Variants in DTNB observed in about 807,000 individuals in gnomAD.
DTNB encodes the protein DTN-B.
In DTNB, 63 loss-of-function variants were observed where a neutral mutation model predicts 90.7. The ratio of observed to expected loss-of-function variants is 0.69; its 90% CI spans 0.57 to 0.86. DTNB has a LOEUF of 0.86. Among genes scored for constraint, DTNB ranks in the 40% least tolerant of loss-of-function variants. The pLI, the probability that DTNB is intolerant of heterozygous loss-of-function variation, is 0.00. For synonymous variants in DTNB, 277 were observed against 286.7 expected, an observed-to-expected ratio of 0.97 and a Z score of 0.34; for missense variants, 744 against 807.1, an observed-to-expected ratio of 0.92 and a Z score of 0.95.
chr2:25,565,977 T>A (rs2058965496), intron 8 of DTNB, among the ~76,000 whole-genome samples: 2 of 152,002 alleles, frequency 1.3e-5, no homozygotes, highest in African/African-American at 4.8e-5. Context: ...CCCCTTTGAG[T>A]GTGGGTGGAA....
At chr2:25,652,468 C>G in intron 2 of DTNB, 126 bp downstream of exon 2, 1 of 922,178 alleles carries the variant, frequency 1.1e-6, no homozygotes, top group Non-Finnish European at 1.5e-6. Flanking sequence ...TCTTTAACTC[C>G]CATTCTTCCC....
At chr2:25,642,385 G>A (rs528701900) in intron 2 of DTNB, among the ~76,000 whole-genome samples, 44 of 151,568 alleles carry the variant, frequency 2.9e-4, no homozygotes, top group African/African-American at 1.0e-3. Flanking sequence ...TCAACTTCCT[G>A]AAACAAAATC....
At chr2:25,559,142 G>C (rs771348391) in intron 8 of DTNB, among the ~76,000 whole-genome samples, 1 of 152,094 alleles carries the variant, frequency 6.6e-6, no homozygotes, top group Non-Finnish European at 1.5e-5. Context: ...AGAAATCCAA[G>C]ACTCTCACCT....
chr2:25,573,081 G>C (rs2060126438), intron 8 of DTNB, among the ~76,000 whole-genome samples: 1 of 152,050 alleles, frequency 6.6e-6, no homozygotes, highest in African/African-American at 2.4e-5. Context: ...AAGTAGCTGG[G>C]ATTACAGGCA....
chr2:25,577,332 G>C (rs1242414677), intron 7 of DTNB, among the ~76,000 whole-genome samples: 3 of 152,096 alleles, frequency 2.0e-5, no homozygotes, highest in Non-Finnish European at 4.4e-5. Context: ...AGTTACTCAG[G>C]AGGCTGAGGC....
At chr2:25,496,078 C>A (rs2068766471) in intron 9 of DTNB, among the ~76,000 whole-genome samples, 1 of 152,026 alleles carries the variant, frequency 6.6e-6, no homozygotes, top group Non-Finnish European at 1.5e-5. Context: ...GGAGAGGAAG[C>A]CAAATATCTC....
At chr2:25,440,811 T>C (rs1026535798) in intron 12 of DTNB, among the ~76,000 whole-genome samples, 1 of 152,214 alleles carries the variant, frequency 6.6e-6, no homozygotes, top group Admixed American at 6.5e-5. Context: ...CTCTCTCAAG[T>C]ATTTTAATGC....
At chr2:25,601,493 C>T (rs572487046) in intron 5 of DTNB, among the ~76,000 whole-genome samples, 1 of 152,176 alleles carries the variant, frequency 6.6e-6, no homozygotes, top group African/African-American at 2.4e-5. Context: ...TAGTGAGCCA[C>T]CATCATCACA....
At position 25,387,746 on chromosome 2, in the gene DTNB, C is replaced by A. The variant is rs973169243; in HGVS notation, c.1736-368G>T. Among the ~76,000 whole-genome samples the A allele has an allele frequency of 1.3e-5, 2 of 152,178 alleles. No individual in the cohort carries two copies. Among genetic ancestry groups the A allele is most frequent in the African/African-American group, 4.8e-5 (2 of 41,436 alleles). ...CCACCTCCCCTTCTCACCTCCAGCCCCAGCAGGACTTCCCTCTGAATCCCC... is the reference window on the plus strand; with the variant it reads ...CCACCTCCCCTTCTCACCTCCAGCCACAGCAGGACTTCCCTCTGAATCCCC... On this transcript the variant is annotated intron_variant, in intron 17 of 20. Coordinates refer to ENST00000406818, the MANE Select transcript of DTNB (RefSeq NM_021907.5). This position sits in a 1 kb window ranked among gnomAD's most constrained non-coding sequence, Gnocchi z 4.5.
chr2:25,660,020 A>G (rs2082839803), intron 1 of DTNB, among the ~76,000 whole-genome samples: 1 of 152,162 alleles, frequency 6.6e-6, no homozygotes, highest in Admixed American at 6.5e-5. Flanking sequence ...CACAGTAATA[A>G]AAAAAACAGT....
At chr2:25,596,021 C>A in intron 6 of DTNB, 65 bp downstream of exon 6, 1 of 1,381,874 alleles carries the variant, frequency 7.2e-7, no homozygotes, top group South Asian at 1.8e-5. Context: ...CTGGCAAAAT[C>A]TGTTAGAAGG....
chr2:25,543,306 GTTT>G (rs1038848613), intron 8 of DTNB, among the ~76,000 whole-genome samples: 6 of 133,624 alleles, frequency 4.5e-5, no homozygotes, highest in Admixed American at 2.9e-4. Context: ...TTTTTGTTTT[GTTT>G]TTTGTTTTTT....
intron 2 of DTNB, among the ~76,000 whole-genome samples, chr2:25,640,157 G>A (rs2077945839): frequency 6.6e-6 from 1 of 152,172 alleles, no homozygotes; most frequent in South Asian, 2.1e-4. Flanking sequence ...AATTATACAT[G>A]AGTCTATAAA....
chr2:25,568,421 G>A (rs540216983), intron 8 of DTNB, among the ~76,000 whole-genome samples: 3 of 151,990 alleles, frequency 2.0e-5, no homozygotes, highest in Admixed American at 6.6e-5. Flanking sequence ...AGAAAAGCAC[G>A]TATGCCCAGA....
At chr2:25,393,261 C>T (rs1281456761) in intron 16 of DTNB, among the ~76,000 whole-genome samples, 1 of 152,032 alleles carries the variant, frequency 6.6e-6, no homozygotes, top group Non-Finnish European at 1.5e-5. Flanking sequence ...TATGACAAAC[C>T]CAGAGCCAAT....
In DTNB at chr2:25,672,203, CAAAAAAAAAAAAA is replaced by C. The variant is rs5829985; in HGVS notation, c.-2+1170_-2+1182del. ...TCAGAACCGGGGTTGCCTCGCATAG[CAAAAAAAAAAAAA>C]AAAAAAAAAAAAAAAAAAGAGGCAG... is the stretch of plus-strand genomic sequence containing the variant. On this transcript the variant is annotated intron_variant, in intron 1 of 20. Coordinates refer to ENST00000406818, the MANE Select transcript of DTNB (RefSeq NM_021907.5). 9.0e-3 allele frequency among the ~76,000 whole-genome samples: 381 copies of C among 42,474 alleles called. 2 individuals carry two copies. The highest frequency in any genetic ancestry group is 0.039 in the African/African-American group (327 of 8,484). 27.9% of individuals were successfully genotyped at this position (42,474 alleles called of 152,430 possible). A position where few individuals can be genotyped will look rare whatever the true frequency, so the allele number is the denominator to read the frequency against.
Position 25,608,075 on chromosome 2 carries a change from AC to A in DTNB, c.363-755del, listed in dbSNP as rs1445060343. On this transcript the variant is annotated intron_variant, in intron 4 of 20. Coordinates refer to ENST00000406818, the MANE Select transcript of DTNB (RefSeq NM_021907.5). ...ATTCACTCAACTATGCCCTGGTTTC[AC>A]AGCAGATAAAAACTTCACTAGTTGG... Among the ~76,000 whole-genome samples the A allele has an allele frequency of 2.0e-5, 3 of 152,222 alleles. No individual in the cohort carries two copies. In the East Asian group the frequency reaches 5.8e-4, roughly 29 times the overall value.
At chr2:25,494,764 C>G (rs1247019166) in intron 9 of DTNB, among the ~76,000 whole-genome samples, 2 of 152,142 alleles carry the variant, frequency 1.3e-5, no homozygotes, top group Non-Finnish European at 2.9e-5. Context: ...ATTTGAAAAT[C>G]CCCAGCAAAG....
chr2:25,441,229 A>C (rs1006644471), intron 12 of DTNB, among the ~76,000 whole-genome samples: 1 of 152,168 alleles, frequency 6.6e-6, no homozygotes, highest in African/African-American at 2.4e-5. Context: ...TCACTCCAAA[A>C]ACCCAGTTGG....
Sources: allele counts gnomAD v4.1 joint callset (sites outside exome capture counted in the v4.1 genomes callset), GRCh38; gene constraint gnomAD v4.1.1; non-coding constraint Gnocchi (gnomAD v3.1); transcripts MANE v1.5; gene names NCBI Gene and HGNC (gene_info 2026-07-23, HGNC 2026-07-21).